The following SULF1 variants were observed in gnomAD, a reference collection of about 807,000 sequenced individuals.
SULF1 encodes the protein sulfatase 1.
Under a neutral mutation model 110.5 loss-of-function variants are expected in SULF1, and 46 were observed. That is an observed-to-expected ratio of 0.42 (90% confidence interval 0.33 to 0.53). The LOEUF (loss-of-function observed/expected upper bound fraction) is 0.53, where lower values mean the gene tolerates loss of function less well. Ranked by LOEUF, SULF1 falls within the 20% of genes least tolerant of loss-of-function variation. The pLI is 0.12. For missense variants in SULF1, 941 were observed against 1,094.2 expected, an observed-to-expected ratio of 0.86 and a Z score of 1.98; for synonymous variants, 371 against 387.1, an observed-to-expected ratio of 0.96 and a Z score of 0.49.
chr8:69,651,306 G>A (rs1812330192), intron 22 of SULF1, among the ~76,000 whole-genome samples: 1 of 152,078 alleles, frequency 6.6e-6, no homozygotes, highest in Non-Finnish European at 1.5e-5. Flanking sequence ...GCCCACCTCA[G>A]CCTTCCAGAG....
chr8:69,625,422 A>G (rs1310166787), intron 15 of SULF1, among the ~76,000 whole-genome samples: 2 of 152,194 alleles, frequency 1.3e-5, no homozygotes, highest in Non-Finnish European at 2.9e-5. Flanking sequence ...GGTCTCACTG[A>G]CTTCAAGAAT....
At chr8:69,632,282 C>A (rs116739447) in intron 19 of SULF1, among the ~76,000 whole-genome samples, 3,185 of 152,230 alleles carry the variant, frequency 0.021, 101 homozygotes, top group African/African-American at 0.074. Flanking sequence ...TATTCTAGGA[C>A]AGTGGCTTCC....
At chr8:69,638,345 G>C (rs1811210745) in intron 19 of SULF1, 157 bp from the exon 20 acceptor site, 9 of 838,250 alleles carry the variant, frequency 1.1e-5, no homozygotes, top group Non-Finnish European at 1.6e-5. Context: ...TACCTACGGG[G>C]GGAAAGGTAT....
At chr8:69,562,003 C>A (rs1257190770) in intron 3 of SULF1, among the ~76,000 whole-genome samples, 1 of 152,204 alleles carries the variant, frequency 6.6e-6, no homozygotes, top group African/African-American at 2.4e-5. Context: ...GAAGAAAGCA[C>A]CAAATCTTAC....
intron 3 of SULF1, among the ~76,000 whole-genome samples, chr8:69,518,316 T>C (rs2150605276): frequency 6.6e-6 from 1 of 152,350 alleles, no homozygotes; most frequent in South Asian, 2.1e-4. Context: ...TGCTCGAGCA[T>C]ATTTGTAATA....
chr8:69,584,034 G>A (rs1319459156), intron 6 of SULF1, among the ~76,000 whole-genome samples: 1 of 152,228 alleles, frequency 6.6e-6, no homozygotes, highest in East Asian at 1.9e-4. Flanking sequence ...GGTTGGAAAG[G>A]GAAGGATTTT....
At chr8:69,579,416 G>A (rs1288044079) in intron 6 of SULF1, among the ~76,000 whole-genome samples, 1 of 151,744 alleles carries the variant, frequency 6.6e-6, no homozygotes, top group African/African-American at 2.4e-5. Context: ...AGGTGTGTTG[G>A]TGCATGCTTG....
chr8:69,472,782 T>TAAATATGTGGTCC (rs997907348), intron 1 of SULF1, among the ~76,000 whole-genome samples: 1 of 152,224 alleles, frequency 6.6e-6, no homozygotes, highest in Non-Finnish European at 1.5e-5. Flanking sequence ...CGTTGCCCTC[T>TAAATATGTGGTCC]AAATATGTGG....
intron 1 of SULF1, among the ~76,000 whole-genome samples, chr8:69,478,559 G>A (rs949368153): frequency 3.3e-5 from 5 of 151,988 alleles, no homozygotes; most frequent in African/African-American, 1.2e-4. Flanking sequence ...TCCCATCATG[G>A]TTCTGCATGT....
chr8:69,571,846 A>T (rs1378655912), intron 5 of SULF1, among the ~76,000 whole-genome samples: 3 of 152,222 alleles, frequency 2.0e-5, no homozygotes, highest in Non-Finnish European at 4.4e-5. Context: ...ATCATTGCAC[A>T]GCCATTAAAA....
intron 13 of SULF1, among the ~76,000 whole-genome samples, chr8:69,612,204 G>T (rs1048098983): frequency 1.3e-5 from 2 of 152,162 alleles, no homozygotes; most frequent in Non-Finnish European, 2.9e-5. Context: ...TGCCTGAGTA[G>T]TGTTCCATGG....
At chr8:69,582,471 G>A (rs1407126610) in intron 6 of SULF1, among the ~76,000 whole-genome samples, 13 of 152,122 alleles carry the variant, frequency 8.5e-5, no homozygotes, top group Admixed American at 1.3e-4. Flanking sequence ...TGTTTTCAGC[G>A]CTTTACATAT....
chr8:69,551,330 T>C (rs1019707253), intron 3 of SULF1, among the ~76,000 whole-genome samples: 1 of 152,226 alleles, frequency 6.6e-6, no homozygotes, highest in African/African-American at 2.4e-5. Flanking sequence ...AGTCCGTTAC[T>C]TCACATATGT....
intron 13 of SULF1, among the ~76,000 whole-genome samples, chr8:69,615,651 T>C (rs1410008650): frequency 1.3e-5 from 2 of 152,052 alleles, no homozygotes; most frequent in Non-Finnish European, 2.9e-5. Context: ...TGTATGTATA[T>C]TTGATTTCGT....
chr8:69,515,664 T>C (rs557804796), intron 3 of SULF1, among the ~76,000 whole-genome samples: 1 of 152,374 alleles, frequency 6.6e-6, no homozygotes, highest in East Asian at 1.9e-4. Flanking sequence ...CAAACTTTTG[T>C]GCTGTGCTTC....
chr8:69,618,356 C>CT (rs574976684), intron 13 of SULF1, among the ~76,000 whole-genome samples: 1 of 152,162 alleles, frequency 6.6e-6, no homozygotes, highest in Admixed American at 6.5e-5. Flanking sequence ...CCTGCATAAA[C>CT]TTTTTTTCCT....
At chr8:69,560,265 T>C (rs1815390114) in intron 3 of SULF1, among the ~76,000 whole-genome samples, 1 of 151,966 alleles carries the variant, frequency 6.6e-6, no homozygotes, top group Non-Finnish European at 1.5e-5. Context: ...AGGGCTTCAG[T>C]TTAGATTGGG....
At chr8:69,509,937 A>G (rs573761844) in intron 3 of SULF1, among the ~76,000 whole-genome samples, 51 of 152,278 alleles carry the variant, frequency 3.3e-4, no homozygotes, top group African/African-American at 1.2e-3. Flanking sequence ...AAATATTAAG[A>G]CAGAGTTTGT....
chr8:69,501,147 A>T (rs1393175972), intron 2 of SULF1, among the ~76,000 whole-genome samples: 1 of 152,228 alleles, frequency 6.6e-6, no homozygotes, highest in Non-Finnish European at 1.5e-5. Flanking sequence ...CATGGGCATG[A>T]TCAATATTTT....
Sources: gnomAD v4.1 joint callset for allele counts (sites outside exome capture counted in the v4.1 genomes callset) on GRCh38, gnomAD v4.1.1 for gene constraint, MANE v1.5 for transcripts, NCBI Gene and HGNC (gene_info 2026-07-23, HGNC 2026-07-21) for gene names.